The following ELN variants were observed in gnomAD, a reference collection of about 807,000 sequenced individuals.
The protein encoded by ELN is elastin.
ELN carries 65 observed loss-of-function variants against 105.8 expected under a neutral mutation model. That is an observed-to-expected ratio of 0.61 (90% CI 0.50 to 0.75). ELN has a LOEUF of 0.75. ELN is among the 30% of genes least tolerant of loss of function. The probability of loss-of-function intolerance (pLI) is 0.00; values close to 1 mark genes in which losing one functional copy is unlikely to be tolerated. For synonymous variants in ELN, 368 were observed against 389.2 expected (o/e 0.95, Z 0.64); for missense variants, 882 against 969.4 (o/e 0.91, Z 1.20).
Position 74,042,614 on chromosome 7 carries a change from G to T in ELN, c.233G>T (p.Gly78Val), listed in dbSNP as rs1554669137. The T allele has an allele frequency of 6.2e-7, 1 of 1,613,094 alleles. No homozygotes were observed. Among genetic ancestry groups the T allele is most frequent in the Admixed American group, 1.7e-5 (1 of 60,026 alleles). The change falls in exon 6 of 33, where the codon GGG (glycine) becomes GTG (valine). Residue 78 changes from glycine to valine, a missense_variant and splice_region_variant. Gly to Val is a moderately radical substitution (Grantham distance 109). Coordinates refer to ENST00000252034, the MANE Select transcript of ELN (RefSeq NM_000501.4). Reference protein sequence around the residue: ...GGLAGAGLGAGLGAFPAVTFP... With the variant: ...GGLAGAGLGAVLGAFPAVTFP... ...CCTCACCCCATCCTCCCCTCCGCAG[G>T]GCTCGGCGCCTTCCCCGCAGTTACC...
chr7:74,038,519 G>A (rs1185629024), intron 4 of ELN, among the ~76,000 whole-genome samples: 1 of 152,248 alleles, frequency 6.6e-6, no homozygotes, highest in African/African-American at 2.4e-5. Flanking sequence ...GATCTGCCAC[G>A]AGGGTCCACT....
intron 32 of ELN, among the ~76,000 whole-genome samples, chr7:74,067,905 G>A (rs1045737184): frequency 7.0e-6 from 1 of 142,916 alleles, no homozygotes; most frequent in Non-Finnish European, 1.5e-5. Context: ...TCTAGCCTGG[G>A]TGATGACAGG....
intron 21 of ELN, 106 bp downstream of exon 21, chr7:74,056,819 G>C: frequency 6.8e-7 from 1 of 1,480,992 alleles, no homozygotes; most frequent in Non-Finnish European, 9.4e-7. Flanking sequence ...GAAATGGCCT[G>C]GACCAAGGTC....
At chr7:74,065,380 C>T (rs1797708227) in intron 29 of ELN, among the ~76,000 whole-genome samples, 1 of 151,464 alleles carries the variant, frequency 6.6e-6, no homozygotes, top group African/African-American at 2.4e-5. Flanking sequence ...TTTGGGAGGC[C>T]GAGGCAGGTG....
intron 29 of ELN, among the ~76,000 whole-genome samples, chr7:74,064,421 A>C (rs200985894): frequency 8.7e-6 from 1 of 115,272 alleles, no homozygotes; most frequent in South Asian, 2.6e-4. Context: ...TCTCAAAAAA[A>C]AAATATATAT....
chr7:74,063,818 C>T lies in ELN; in HGVS notation c.1993+123C>T. The T allele has an allele frequency of 7.2e-7, 1 of 1,381,620 alleles. No homozygotes were observed. The highest frequency in any genetic ancestry group is 1.8e-4 in the Middle Eastern group (1 of 5,660). 85.6% of individuals were successfully genotyped at this position (1,381,620 alleles called of 1,614,324 possible). A position where few individuals can be genotyped will look rare whatever the true frequency, so the allele number is the denominator to read the frequency against. ...GGCACGTCTTTGCTCAAGATGTCCT[C>T]TTGGCCAGGTGCGGTGGCTCACGCC... On this transcript the variant is annotated intron_variant, in intron 29 of 32. Transcript: ENST00000252034. This position sits in a 1 kb window ranked among gnomAD's most constrained non-coding sequence, Gnocchi z 4.1.
rs190448150 is a variant in ELN, at chr7:74,060,712, C to T, written c.1747+211C>T. On this transcript the variant is annotated intron_variant, in intron 25 of 32. Transcript: ENST00000252034. ...AGGCTGCCCAATTGCAGAGTATCTG[C>T]CTCCTCAGTAGAGGGGTGGCAGGGC... is the stretch of plus-strand genomic sequence containing the variant. 45 of 1,332,264 alleles carry T rather than the reference C, an allele frequency of 3.4e-5. No individual in the cohort carries two copies. In the African/African-American group the frequency reaches 6.0e-4, roughly 18 times the overall value. 82.5% of individuals were successfully genotyped at this position (1,332,264 alleles called of 1,614,324 possible).
chr7:74,039,803 T>C (rs1790763064), intron 4 of ELN, among the ~76,000 whole-genome samples: 1 of 152,252 alleles, frequency 6.6e-6, no homozygotes, highest in Non-Finnish European at 1.5e-5. Context: ...GGTGATATAA[T>C]GGCCATTTTG....
intron 17 of ELN, chr7:74,052,869 GAA>G (rs1462217856): frequency 4.3e-5 from 19 of 443,324 alleles, no homozygotes; most frequent in East Asian, 1.3e-4. Context: ...GAGAAAGAAA[GAA>G]AGAGAGAGAG....
intron 32 of ELN, 24 bp downstream of exon 32, chr7:74,066,800 G>C: frequency 3.1e-6 from 5 of 1,612,680 alleles, no homozygotes; most frequent in Non-Finnish European, 4.2e-6. Context: ...CCTGCCCCTG[G>C]GCCCTGCCCT....
rs540594780 is a variant in ELN at position 74,063,399 on chromosome 7, G to GCCAGGCCC, written c.1918+44_1918+51dup. 1,038 of 1,544,232 alleles carry GCCAGGCCC rather than the reference G, an allele frequency of 6.7e-4. 10 individuals are homozygous for GCCAGGCCC. The African/African-American group carries it at 0.012, about 18-fold the overall frequency. ...GCACTGGGTGGAGGTGGGAGCTGCC[G>GCCAGGCCC]CCAGGCCCCCAGGCCCCCAGGGTGT... On this transcript the variant is annotated intron_variant, in intron 28 of 32. Transcript: ENST00000252034. This position sits in a 1 kb window ranked among gnomAD's most constrained non-coding sequence, Gnocchi z 4.1.
intron 32 of ELN, 28 bp from the exon 33 acceptor site, chr7:74,068,629 A>T (rs781930153): frequency 1.9e-6 from 3 of 1,614,040 alleles, no homozygotes; most frequent in Non-Finnish European, 2.5e-6. Context: ...GGCCGGACTC[A>T]CAGTGATGTG....
intron 2 of ELN, 126 bp downstream of exon 2, chr7:74,035,540 A>C: frequency 8.7e-7 from 1 of 1,148,766 alleles, no homozygotes; most frequent in Non-Finnish European, 1.3e-6. Flanking sequence ...ACACCCACTT[A>C]AAAATGCAAT....
At chr7:74,036,627 G>C (rs781797608) in intron 3 of ELN, 43 bp downstream of exon 3, 2 of 1,613,918 alleles carry the variant, frequency 1.2e-6, no homozygotes, top group South Asian at 2.2e-5. Flanking sequence ...AAAGGGCCTG[G>C]GTTTCACCCG....
At chr7:74,067,841 T>C (rs1176645371) in intron 32 of ELN, among the ~76,000 whole-genome samples, 2 of 148,952 alleles carry the variant, frequency 1.3e-5, no homozygotes, top group East Asian at 4.0e-4. Flanking sequence ...GACAGGAGAA[T>C]TGCTTGAACC....
chr7:74,038,146 T>TA, intron 4 of ELN: 1 of 323,720 alleles, frequency 3.1e-6, no homozygotes, highest in East Asian at 7.8e-5. Context: ...GCCCCAGACT[T>TA]CCCCTGAGTG....
At chr7:74,056,249 C>T in intron 19 of ELN, 22 bp from the exon 20 acceptor site, 2 of 1,614,210 alleles carry the variant, frequency 1.2e-6, no homozygotes, top group Non-Finnish European at 1.7e-6. Context: ...TTCTTTTCTA[C>T]TTGGCTCCCT....
rs782681872 is a variant in ELN at position 74,063,730 on chromosome 7, G to C, written c.1993+35G>C. The C allele has an allele frequency of 6.2e-7, 1 of 1,613,262 alleles. No homozygotes were observed. Among genetic ancestry groups the C allele is most frequent in the Non-Finnish European group, 8.5e-7 (1 of 1,179,248 alleles). ...GTTCTGAAATCAGTGAGTGTGTGTG[G>C]TGTGTGTATGCGAGACAGAGATGGA... is the stretch of plus-strand genomic sequence containing the variant. On this transcript the variant is annotated intron_variant, in intron 29 of 32. Transcript: ENST00000252034. This position sits in a 1 kb window ranked among gnomAD's most constrained non-coding sequence, Gnocchi z 4.1.
intron 29 of ELN, among the ~76,000 whole-genome samples, chr7:74,064,143 G>T (rs1777215219): frequency 6.6e-6 from 1 of 151,676 alleles, no homozygotes; most frequent in Middle Eastern, 3.4e-3. Context: ...AAGAGGCCAG[G>T]CATGGTGGCT....
Sources: allele counts gnomAD v4.1 joint callset (sites outside exome capture counted in the v4.1 genomes callset), GRCh38; gene constraint gnomAD v4.1.1; non-coding constraint Gnocchi (gnomAD v3.1); transcripts MANE v1.5; gene names NCBI Gene and HGNC (gene_info 2026-07-23, HGNC 2026-07-21).